Variants in TASP1 observed in about 807,000 individuals in gnomAD.
TASP1 encodes taspase 1.
TASP1 carries 16 observed loss-of-function variants against 56.6 expected under a neutral mutation model. The observed-to-expected ratio is 0.28, with a 90% CI of 0.19 to 0.43. The LOEUF is 0.43. Among genes scored for constraint, TASP1 ranks in the 20% least tolerant of loss-of-function variants. The pLI is 1.00. For synonymous variants in TASP1, 179 were observed against 184.2 expected, an observed-to-expected ratio of 0.97 and a Z score of 0.23; for missense variants, 393 against 511.6, an observed-to-expected ratio of 0.77 and a Z score of 2.24.
chr20:13,589,055 G>C (rs1267886563), intron 4 of TASP1, among the ~76,000 whole-genome samples: 2 of 150,232 alleles, frequency 1.3e-5, no homozygotes, highest in East Asian at 3.9e-4. Flanking sequence ...AGTCTTTCGT[G>C]GGTTTTTTTT....
chr20:13,218,528 A>G, the TASP1 span, among the ~76,000 whole-genome samples: 9 of 152,246 alleles, frequency 5.9e-5, no homozygotes, highest in Admixed American at 5.9e-4. Context: ...ATGCAAACAG[A>G]CACAAGTGCC....
the TASP1 span, among the ~76,000 whole-genome samples, chr20:13,126,129 G>A: frequency 1.7e-4 from 26 of 152,162 alleles, no homozygotes; most frequent in Middle Eastern, 3.4e-3. Flanking sequence ...TCTTTCCTCT[G>A]CATCTTGCAG....
the TASP1 span, among the ~76,000 whole-genome samples, chr20:13,199,959 G>T: frequency 2.6e-5 from 4 of 152,174 alleles, no homozygotes; most frequent in Middle Eastern, 3.4e-3. Flanking sequence ...TAACAAACAT[G>T]GATTTATCCT....
chr20:13,127,149 G>A, the TASP1 span, among the ~76,000 whole-genome samples: 26 of 152,258 alleles, frequency 1.7e-4, no homozygotes, highest in African/African-American at 6.0e-4. Context: ...GCCACCACTG[G>A]CCATTGAGGA....
chr20:13,300,641 A>G, the TASP1 span: 1 of 152,222 alleles, frequency 6.6e-6, no homozygotes, highest in Non-Finnish European at 1.5e-5. Flanking sequence ...ATAAAATCAT[A>G]ATAAAAGGTG....
chr20:13,546,029 G>A (rs2045797418), intron 8 of TASP1, among the ~76,000 whole-genome samples: 1 of 152,096 alleles, frequency 6.6e-6, no homozygotes, highest in Non-Finnish European at 1.5e-5. Flanking sequence ...CATACCAAAT[G>A]GCATGATTTC....
chr20:13,574,758 A>G (rs1050316885), intron 6 of TASP1, among the ~76,000 whole-genome samples: 2 of 152,190 alleles, frequency 1.3e-5, no homozygotes, highest in Non-Finnish European at 2.9e-5. Context: ...AATAATTAGT[A>G]AACTTGAAGA....
the TASP1 span, among the ~76,000 whole-genome samples, chr20:13,122,759 C>A: frequency 1.3e-5 from 2 of 152,190 alleles, no homozygotes; most frequent in African/African-American, 4.8e-5. Context: ...GTCATTCAAC[C>A]TGTCATCAAG....
At chr20:13,381,575 C>T in the TASP1 span, among the ~76,000 whole-genome samples, 2 of 152,232 alleles carry the variant, frequency 1.3e-5, no homozygotes, top group Non-Finnish European at 2.9e-5. Flanking sequence ...TGCCACAGGA[C>T]TCTTCTTAGA....
At chr20:13,345,916 TAAAAAAAAAAAAA>T in the TASP1 span, among the ~76,000 whole-genome samples, 66 of 101,334 alleles carry the variant, frequency 6.5e-4, no homozygotes, top group African/African-American at 1.7e-3. Flanking sequence ...CTCAGTAGGT[TAAAAAAAAAAAAA>T]AAAAAAAAAA....
At chr20:13,333,791 G>A in the TASP1 span, among the ~76,000 whole-genome samples, 1 of 152,084 alleles carries the variant, frequency 6.6e-6, no homozygotes, top group Non-Finnish European at 1.5e-5. Context: ...CTTTTAAAAT[G>A]CATCACACAC....
the TASP1 span, among the ~76,000 whole-genome samples, chr20:13,291,182 T>G: frequency 6.6e-6 from 1 of 152,212 alleles, no homozygotes; most frequent in Non-Finnish European, 1.5e-5. Context: ...CGGAGAGCAG[T>G]GTGGCCAGGA....
intron 11 of TASP1, among the ~76,000 whole-genome samples, chr20:13,437,744 G>A (rs2043059274): frequency 6.6e-6 from 1 of 152,150 alleles, no homozygotes; most frequent in African/African-American, 2.4e-5. Context: ...AATCATGAGT[G>A]AACTCCCATT....
chr20:13,320,889 T>C, the TASP1 span, among the ~76,000 whole-genome samples: 2 of 152,126 alleles, frequency 1.3e-5, no homozygotes, highest in Non-Finnish European at 2.9e-5. Context: ...GTGAGTTGCA[T>C]GAGGTGATGG....
the TASP1 span, among the ~76,000 whole-genome samples, chr20:13,111,433 C>A: frequency 1.3e-5 from 2 of 152,204 alleles, no homozygotes; most frequent in Non-Finnish European, 2.9e-5. Context: ...TGGACAGAGG[C>A]CAGGGATGCT....
chr20:13,496,588 C>A (rs1416231722), intron 10 of TASP1, among the ~76,000 whole-genome samples: 1 of 151,672 alleles, frequency 6.6e-6, no homozygotes, highest in Non-Finnish European at 1.5e-5. Context: ...GCATCTTGTT[C>A]TACCCAAAAA....
At chr20:13,420,482 C>G (rs1242244246) in intron 12 of TASP1, among the ~76,000 whole-genome samples, 1 of 152,162 alleles carries the variant, frequency 6.6e-6, no homozygotes, top group Non-Finnish European at 1.5e-5. Context: ...TGTACTGACA[C>G]ATTTTTTAAT....
At chr20:13,113,245 AAGTCAAT>A in the TASP1 span, among the ~76,000 whole-genome samples, 1 of 152,178 alleles carries the variant, frequency 6.6e-6, no homozygotes, top group Non-Finnish European at 1.5e-5. Context: ...TAGGAATGTG[AAGTCAAT>A]AGTTCACAAA....
chr20:13,391,691 G>A (rs1191757822), intron 13 of TASP1, among the ~76,000 whole-genome samples: 1 of 152,098 alleles, frequency 6.6e-6, no homozygotes. Flanking sequence ...GCTTAGGCCG[G>A]GCGTGGTGGC....
Sources: allele counts gnomAD v4.1 joint callset (sites outside exome capture counted in the v4.1 genomes callset), GRCh38; gene constraint gnomAD v4.1.1; transcripts MANE v1.5; gene names NCBI Gene and HGNC (gene_info 2026-07-23, HGNC 2026-07-21).